The following NCAM1 variants were observed in gnomAD, a reference collection of about 807,000 sequenced individuals.
The protein encoded by NCAM1 is neural cell adhesion molecule 1.
A neutral mutation model predicts 109.8 loss-of-function variants in NCAM1; 14 were observed. The observed-to-expected ratio is 0.13, with a 90% CI of 0.08 to 0.20. The LOEUF (loss-of-function observed/expected upper bound fraction) is 0.20. Ranked by LOEUF, NCAM1 falls within the 10% of genes least tolerant of loss-of-function variation. NCAM1 has a pLI of 1.00. For missense variants in NCAM1, 774 were observed against 1,109.9 expected (o/e 0.70, Z 4.30); for synonymous variants, 418 against 442.9 (o/e 0.94, Z 0.70).
intron 1 of NCAM1, among the ~76,000 whole-genome samples, chr11:113,089,191 T>C (rs1433296614): frequency 6.6e-6 from 1 of 152,096 alleles, no homozygotes; most frequent in African/African-American, 2.4e-5. Flanking sequence ...CTAGCTCCTG[T>C]AGTCCCAGCT....
chr11:112,969,667 C>G (rs1193638011), intron 1 of NCAM1, among the ~76,000 whole-genome samples: 3 of 152,074 alleles, frequency 2.0e-5, no homozygotes, highest in Non-Finnish European at 4.4e-5. Flanking sequence ...AAAGTATGTA[C>G]TCATTATGTG....
intron 1 of NCAM1, among the ~76,000 whole-genome samples, chr11:113,175,524 A>G (rs140489385): frequency 2.0e-5 from 3 of 152,324 alleles, no homozygotes; most frequent in African/African-American, 4.8e-5. Flanking sequence ...GAGGTGTGGT[A>G]TATTTCAATA....
chr11:113,034,662 G>A (rs1326073738), intron 1 of NCAM1, among the ~76,000 whole-genome samples: 1 of 152,134 alleles, frequency 6.6e-6, no homozygotes, highest in Non-Finnish European at 1.5e-5. Flanking sequence ...GTGTAGGATC[G>A]TACAGAAGAT....
rs548503538 is a variant in NCAM1 at position 113,214,459 on chromosome 11, T to C, written c.1007T>C (p.Ile336Thr). ...TLTCEASGDP[I>T]PSITWRTSTR... ...ACCTGTGAAGCCTCCGGAGACCCCA[T>C]TCCCTCCATCACCTGGAGGACTTCT... The change falls in exon 8 of 20, where the codon ATT (isoleucine) becomes ACT (threonine). Residue 336 changes from isoleucine (I) to threonine (T), a missense_variant. Around this residue, in one of 4 missense-constraint regions of NCAM1, gnomAD observed 523 missense variants for 784.2 expected, o/e 0.67. Coordinates refer to ENST00000316851, the MANE Select transcript of NCAM1 (RefSeq NM_181351.5). The C allele has an allele frequency of 6.2e-7, 1 of 1,612,454 alleles. No individual in the cohort carries two copies. Among genetic ancestry groups the C allele is most frequent in the East Asian group, 2.2e-5 (1 of 44,862 alleles).
chr11:112,972,555 C>T (rs1357478596), intron 1 of NCAM1, among the ~76,000 whole-genome samples: 1 of 152,100 alleles, frequency 6.6e-6, no homozygotes, highest in Non-Finnish European at 1.5e-5. Flanking sequence ...TGTTAAAAAA[C>T]GTCTTTCACT....
chr11:113,263,347 C>T (rs978609204), intron 17 of NCAM1: 21 of 998,766 alleles, frequency 2.1e-5, no homozygotes, highest in African/African-American at 1.6e-4. Context: ...ACATTCCCCT[C>T]ATTCTAACTC....
At chr11:113,133,871 T>C (rs543865975) in intron 1 of NCAM1, 1 of 152,304 alleles carries the variant, frequency 6.6e-6, no homozygotes, top group South Asian at 2.1e-4. Context: ...ATATGTGTCA[T>C]GATAGGGGAG....
At chr11:113,202,285 G>A (rs1555111956) in intron 1 of NCAM1, 94 bp from the exon 2 acceptor site, 3 of 1,243,438 alleles carry the variant, frequency 2.4e-6, no homozygotes, top group Non-Finnish European at 1.1e-6. Context: ...GAAGATCTGG[G>A]TTTCATTCTT....
intron 14 of NCAM1, 41 bp downstream of exon 14, chr11:113,235,205 C>CA (rs1945129528): frequency 1.2e-6 from 2 of 1,613,488 alleles, no homozygotes; most frequent in Non-Finnish European, 1.7e-6. Flanking sequence ...AGCCCACCTT[C>CA]TTCTCCCTGG....
intron 1 of NCAM1, among the ~76,000 whole-genome samples, chr11:113,077,139 T>A (rs937853975): frequency 1.1e-4 from 17 of 152,192 alleles, no homozygotes; most frequent in Non-Finnish European, 2.4e-4. Flanking sequence ...TCTAGGAACC[T>A]GTAATTAGGT....
intron 17 of NCAM1, chr11:113,265,259 C>A: frequency 1.5e-6 from 1 of 671,250 alleles, no homozygotes; most frequent in Non-Finnish European, 1.8e-6. Context: ...AAGACCCTTT[C>A]CCTCCGCCTC....
At chr11:113,035,862 C>T (rs1952861464) in intron 1 of NCAM1, among the ~76,000 whole-genome samples, 1 of 152,178 alleles carries the variant, frequency 6.6e-6, no homozygotes, top group Non-Finnish European at 1.5e-5. Context: ...TAGACCATCT[C>T]CACGCCTCCT....
chr11:113,051,554 T>C (rs1953490954), intron 1 of NCAM1, among the ~76,000 whole-genome samples: 1 of 152,174 alleles, frequency 6.6e-6, no homozygotes, highest in African/African-American at 2.4e-5. Context: ...GATTAACATT[T>C]TGGTGTCTAT....
rs1280423003 is a variant in NCAM1 at position 113,188,443 on chromosome 11, AGTTT to A, written c.53-13930_53-13927del. On this transcript the variant is annotated intron_variant, in intron 1 of 19. Transcript: ENST00000316851. ...GAAGCATTAGAGCCATTCAGCATGG[AGTTT>A]GTTTGGGGAAGTTTCTTATAGGAAT... is the stretch of plus-strand genomic sequence containing the variant. Among the ~76,000 whole-genome samples, 5 of 152,146 alleles carry A rather than the reference AGTTT, an allele frequency of 3.3e-5. No individual in the cohort carries two copies. The South Asian group carries it at 6.2e-4, about 19-fold the overall frequency.
At chr11:113,169,334 G>T (rs1320399379) in intron 1 of NCAM1, among the ~76,000 whole-genome samples, 1 of 152,102 alleles carries the variant, frequency 6.6e-6, no homozygotes, top group African/African-American at 2.4e-5. Flanking sequence ...AATCAGTACT[G>T]CAGATTGGCT....
intron 1 of NCAM1, among the ~76,000 whole-genome samples, chr11:112,984,391 C>G (rs1565364386): frequency 6.6e-6 from 1 of 151,832 alleles, no homozygotes; most frequent in Non-Finnish European, 1.5e-5. Context: ...GATTTCATTT[C>G]CTTTGGGTAC....
At chr11:113,144,488 T>C (rs547085429) in intron 1 of NCAM1, among the ~76,000 whole-genome samples, 1 of 152,320 alleles carries the variant, frequency 6.6e-6, no homozygotes, top group South Asian at 2.1e-4. Context: ...AGAAATTTTA[T>C]TGTAATTAGA....
chr11:113,172,356 T>C (rs1943022504), intron 1 of NCAM1, among the ~76,000 whole-genome samples: 1 of 152,280 alleles, frequency 6.6e-6, no homozygotes, highest in Non-Finnish European at 1.5e-5. Context: ...CCCCTCTACA[T>C]TCCAAATAGC....
rs140058411 is a variant in NCAM1, at chr11:113,093,613, C to T, written c.53-108766C>T. On this transcript the variant is annotated intron_variant, in intron 1 of 19. Transcript: ENST00000316851. ...TGGAAGGCTTCCCTTTGAAAGTTTACGAACGCCCCATCTCTTTTCTCTAGG... is the reference window on the plus strand; with the variant it reads ...TGGAAGGCTTCCCTTTGAAAGTTTATGAACGCCCCATCTCTTTTCTCTAGG... Among the ~76,000 whole-genome samples the T allele has an allele frequency of 1.6e-4, 24 of 152,242 alleles. No homozygotes were observed. The East Asian group carries it at 3.3e-3, about 21-fold the overall frequency.
Sources: allele counts gnomAD v4.1 joint callset (sites outside exome capture counted in the v4.1 genomes callset), GRCh38; gene constraint gnomAD v4.1.1; regional missense constraint gnomAD v4.1.1; transcripts MANE v1.5; gene names NCBI Gene and HGNC (gene_info 2026-07-23, HGNC 2026-07-21).